FBXO36: variants seen among roughly 807,000 people sequenced by gnomAD.
FBXO36 encodes F-box protein 36.
FBXO36 carries 18 observed loss-of-function variants against 17.0 expected under a neutral mutation model. The observed-to-expected ratio is 1.06, with a 90% CI of 0.73 to 1.57. The LOEUF (loss-of-function observed/expected upper bound fraction) is 1.57, where lower values mean the gene tolerates loss of function less well. Among genes scored for constraint, FBXO36 ranks in the 40% most tolerant of loss-of-function variants. The probability of loss-of-function intolerance (pLI) is 0.00; values close to 1 mark genes in which losing one functional copy is unlikely to be tolerated. For synonymous variants in FBXO36, 83 were observed against 85.3 expected, an observed-to-expected ratio of 0.97 and a Z score of 0.15; for missense variants, 229 against 221.9, an observed-to-expected ratio of 1.03 and a Z score of -0.20.
intron 1 of FBXO36, among the ~76,000 whole-genome samples, chr2:229,926,257 C>T (rs1233677051): frequency 6.6e-6 from 1 of 151,822 alleles, no homozygotes; most frequent in East Asian, 1.9e-4. Context: ...TGGCAAAACC[C>T]CATCTCTACT....
chr2:229,956,849 G>A (rs575097341), intron 1 of FBXO36, among the ~76,000 whole-genome samples: 71 of 152,230 alleles, frequency 4.7e-4, no homozygotes, highest in African/African-American at 1.7e-3. Context: ...CTCATGAGGT[G>A]GGGTATTGTT....
At chr2:229,990,178 AAT>A (rs1388518278) in intron 2 of FBXO36, among the ~76,000 whole-genome samples, 1 of 150,672 alleles carries the variant, frequency 6.6e-6, no homozygotes, top group African/African-American at 2.4e-5. Context: ...GGGGAATAAT[AAT>A]AGTACCCATC....
chr2:229,937,178 G>A (rs531666209), intron 1 of FBXO36, among the ~76,000 whole-genome samples: 41 of 152,118 alleles, frequency 2.7e-4, no homozygotes, highest in Non-Finnish European at 5.0e-4. Context: ...AATATAGTGC[G>A]GCAACCACCT....
intron 3 of FBXO36, among the ~76,000 whole-genome samples, chr2:230,006,714 A>G (rs1355838783): frequency 2.0e-5 from 3 of 152,176 alleles, no homozygotes; most frequent in Non-Finnish European, 2.9e-5. Context: ...CTGCAGGCAC[A>G]TGGTCAAGGT....
At chr2:229,925,326 A>G (rs1216791273) in intron 1 of FBXO36, among the ~76,000 whole-genome samples, 5 of 152,190 alleles carry the variant, frequency 3.3e-5, no homozygotes, top group African/African-American at 9.6e-5. Flanking sequence ...TGGCATGCCA[A>G]AAAAATATAC....
intron 1 of FBXO36, among the ~76,000 whole-genome samples, chr2:229,965,116 T>C (rs908936425): frequency 2.0e-5 from 3 of 151,516 alleles, no homozygotes; most frequent in African/African-American, 7.2e-5. Context: ...GGTCTGATTT[T>C]TTAATACGCA....
chr2:229,968,572 G>T (rs1023337385), intron 1 of FBXO36, among the ~76,000 whole-genome samples: 1 of 152,082 alleles, frequency 6.6e-6, no homozygotes, highest in African/African-American at 2.4e-5. Flanking sequence ...GCTTCAAGCA[G>T]TCCCCTTGTC....
chr2:229,962,244 T>C (rs1023159565), intron 1 of FBXO36, among the ~76,000 whole-genome samples: 1 of 152,050 alleles, frequency 6.6e-6, no homozygotes, highest in Non-Finnish European at 1.5e-5. Flanking sequence ...TGTTTTGAAC[T>C]GTTGCAATGT....
rs547760903 is a variant in FBXO36 at position 229,954,707 on chromosome 2, C to G, written c.97-21534C>G. ...GGACTACAGGCACCCGCCATCACGC[C>G]TGGCTAATTTTTTGTATTTTTAGTG... On this transcript the variant is annotated intron_variant, in intron 1 of 3. Transcript: ENST00000283946. Among the ~76,000 whole-genome samples the G allele has an allele frequency of 5.9e-5, 9 of 151,478 alleles. No homozygotes were observed. The South Asian group carries it at 1.9e-3, about 32-fold the overall frequency.
At chr2:229,948,436 C>T (rs2077038631) in intron 1 of FBXO36, among the ~76,000 whole-genome samples, 1 of 150,578 alleles carries the variant, frequency 6.6e-6, no homozygotes, top group Admixed American at 6.7e-5. Flanking sequence ...GTGGCAGAAA[C>T]CATTAGTTGC....
At chr2:229,966,373 C>CT (rs1409524209) in intron 1 of FBXO36, among the ~76,000 whole-genome samples, 4 of 152,134 alleles carry the variant, frequency 2.6e-5, no homozygotes, top group African/African-American at 9.7e-5. Context: ...TGCAGAAGCT[C>CT]TTTAGTTTAA....
chr2:229,950,283 G>T (rs892512244), intron 1 of FBXO36, among the ~76,000 whole-genome samples: 1 of 152,024 alleles, frequency 6.6e-6, no homozygotes, highest in African/African-American at 2.4e-5. Flanking sequence ...AAAATTAGCT[G>T]GGCATGGTGG....
intron 3 of FBXO36, among the ~76,000 whole-genome samples, chr2:230,001,607 A>C (rs1469119984): frequency 2.0e-5 from 3 of 151,998 alleles, no homozygotes; most frequent in Middle Eastern, 3.4e-3. Flanking sequence ...ATTTTCATTT[A>C]ACTACTTTAT....
In FBXO36 at chr2:230,010,693, C is replaced by G; in HGVS notation, c.379-3C>G. On this transcript the variant is annotated splice_polypyrimidine_tract_variant and splice_region_variant and intron_variant, in intron 3 of 3. Transcript: ENST00000283946. Reference sequence around the variant, plus strand: ...ACCCACCTCTGACTTTTCCCACCCACAGCTGTGCATGTCTGATAAACTGTG... The same window carrying G: ...ACCCACCTCTGACTTTTCCCACCCAGAGCTGTGCATGTCTGATAAACTGTG... 6.3e-7 allele frequency: 1 copy of G among 1,598,960 alleles called. No homozygotes were observed. Among genetic ancestry groups the G allele is most frequent in the African/African-American group, 1.3e-5 (1 of 74,684 alleles).
chr2:229,949,285 T>G (rs916665264), intron 1 of FBXO36, among the ~76,000 whole-genome samples: 1 of 152,192 alleles, frequency 6.6e-6, no homozygotes, highest in African/African-American at 2.4e-5. Flanking sequence ...CGTCCTTTAT[T>G]CTGGCATCCC....
At chr2:230,009,815 G>A (rs954652897) in intron 3 of FBXO36, among the ~76,000 whole-genome samples, 41 of 152,204 alleles carry the variant, frequency 2.7e-4, no homozygotes, top group African/African-American at 9.6e-4. Context: ...GCATGGTGGT[G>A]TGCACCTGTA....
At chr2:229,996,266 T>TAA (rs112507619) in intron 2 of FBXO36, among the ~76,000 whole-genome samples, 1 of 140,420 alleles carries the variant, frequency 7.1e-6, no homozygotes, top group East Asian at 2.0e-4. Context: ...CGACCCCATC[T>TAA]AAAAAAAAAA....
chr2:229,995,333 A>T (rs921793310), intron 2 of FBXO36, among the ~76,000 whole-genome samples: 2 of 152,182 alleles, frequency 1.3e-5, no homozygotes, highest in Admixed American at 6.5e-5. Flanking sequence ...TCCTACATCA[A>T]ACATAGTTAG....
intron 3 of FBXO36, among the ~76,000 whole-genome samples, chr2:230,001,357 G>A (rs1024174458): frequency 1.9e-4 from 29 of 149,770 alleles, no homozygotes; most frequent in African/African-American, 5.4e-4. Context: ...GCACCATCTC[G>A]GCTCACTGCA....
Sources: allele counts gnomAD v4.1 joint callset (sites outside exome capture counted in the v4.1 genomes callset), GRCh38; gene constraint gnomAD v4.1.1; transcripts MANE v1.5; gene names NCBI Gene and HGNC (gene_info 2026-07-23, HGNC 2026-07-21).